KREMEN1: variants seen among roughly 807,000 people sequenced by gnomAD.
The protein encoded by KREMEN1 is kremen protein 1.
KREMEN1 carries 30 observed loss-of-function variants against 46.5 expected under a neutral mutation model. The ratio of observed to expected loss-of-function variants is 0.65; its 90% confidence interval spans 0.48 to 0.88. KREMEN1 has a LOEUF of 0.88. Ranked by LOEUF, KREMEN1 falls within the 40% of genes least tolerant of loss-of-function variation. The probability of loss-of-function intolerance (pLI) is 0.00; values close to 1 mark genes in which losing one functional copy is unlikely to be tolerated. For missense variants in KREMEN1, 533 were observed against 596.9 expected (o/e 0.89, Z 1.11); for synonymous variants, 214 against 230.6 (o/e 0.93, Z 0.65).
At chr22:29,077,950 G>A (rs1275510158) in intron 1 of KREMEN1, among the ~76,000 whole-genome samples, 1 of 151,958 alleles carries the variant, frequency 6.6e-6, no homozygotes, top group Admixed American at 6.6e-5. Context: ...CGTACATTTG[G>A]GTCTTTAATA....
At chr22:29,086,832 C>T (rs2037736482) in intron 1 of KREMEN1, among the ~76,000 whole-genome samples, 1 of 152,096 alleles carries the variant, frequency 6.6e-6, no homozygotes, top group Non-Finnish European at 1.5e-5. Flanking sequence ...GACCATGGCT[C>T]ACTGCAGCTT....
chr22:29,119,873 G>T (rs1417670018), intron 3 of KREMEN1, among the ~76,000 whole-genome samples: 1 of 152,238 alleles, frequency 6.6e-6, no homozygotes, highest in Non-Finnish European at 1.5e-5. Flanking sequence ...TGGCATAGGA[G>T]ATTTTGCAGA....
intron 6 of KREMEN1, 33 bp from the exon 7 acceptor site, chr22:29,138,591 C>G: frequency 6.3e-7 from 1 of 1,596,404 alleles, no homozygotes; most frequent in Non-Finnish European, 8.6e-7. Flanking sequence ...TCTCCATAGC[C>G]CTGTCCCCAG....
At chr22:29,158,080 A>G (rs1229336834) in intron 9 of KREMEN1, among the ~76,000 whole-genome samples, 1 of 151,774 alleles carries the variant, frequency 6.6e-6, no homozygotes, top group African/African-American at 2.4e-5. Flanking sequence ...CTATTCAAAA[A>G]CTCGTAGTCA....
At chr22:29,087,432 G>A (rs2037746334) in intron 1 of KREMEN1, among the ~76,000 whole-genome samples, 1 of 152,184 alleles carries the variant, frequency 6.6e-6, no homozygotes, top group Admixed American at 6.5e-5. Flanking sequence ...TCAATAGTGT[G>A]TTTTTGGACA....
intron 2 of KREMEN1, among the ~76,000 whole-genome samples, chr22:29,096,270 A>T (rs10483154): frequency 6.6e-6 from 1 of 152,066 alleles, no homozygotes; most frequent in Admixed American, 6.5e-5. Context: ...TTGTTCCAAA[A>T]TATCTCTTGG....
At chr22:29,099,802 C>A (rs766304577) in intron 3 of KREMEN1, among the ~76,000 whole-genome samples, 2 of 152,146 alleles carry the variant, frequency 1.3e-5, no homozygotes, top group Non-Finnish European at 2.9e-5. Context: ...CCCGCCTAGG[C>A]CTCCCAAAGT....
At chr22:29,086,924 T>G (rs940592195) in intron 1 of KREMEN1, among the ~76,000 whole-genome samples, 7 of 152,090 alleles carry the variant, frequency 4.6e-5, no homozygotes, top group African/African-American at 1.7e-4. Context: ...TTTTTAATTT[T>G]AATTTTAATT....
rs1256135099 is a variant in KREMEN1 at position 29,143,295 on chromosome 22, C to A, written c.*1183C>A. On this transcript the variant is annotated 3_prime_UTR_variant, in exon 9 of 9. Transcript: ENST00000400335. ...CTGAGCAGCTCATGGTCCTATGGAA[C>A]CTGAGCCAGGCCTCAGTCTCTCCAT... The A allele has an allele frequency of 1.3e-4, 130 of 985,336 alleles. No individual in the cohort carries two copies. Among genetic ancestry groups the A allele is most frequent in the Non-Finnish European group, 1.6e-4 (130 of 829,954 alleles). The allele number at this position is 985,336 out of a possible 1,614,324, so 61.0% of individuals were successfully genotyped here.
Position 29,145,920 on chromosome 22 carries a change from GC to G in KREMEN1, c.*3811del. 1 of 985,922 alleles carries G rather than the reference GC, an allele frequency of 1.0e-6. No homozygotes were observed. The highest frequency in any genetic ancestry group is 1.2e-6 in the Non-Finnish European group (1 of 830,022). 61.1% of individuals were successfully genotyped at this position (985,922 alleles called of 1,614,324 possible). On this transcript the variant is annotated 3_prime_UTR_variant, in exon 9 of 9. Transcript: ENST00000400335. ...GCTCCACCCACATGCCCCACTGTCAGCCCAGGCAGGAGCCTTCCTGGCCGGG... is the reference window on the plus strand; with the variant it reads ...GCTCCACCCACATGCCCCACTGTCAGCCAGGCAGGAGCCTTCCTGGCCGGG...
chr22:29,154,733 C>G (rs1156471955), intron 9 of KREMEN1: 1 of 152,334 alleles, frequency 6.6e-6, no homozygotes, highest in Admixed American at 6.5e-5. Flanking sequence ...CGCGGTGATG[C>G]GTGCCTGTAA....
chr22:29,149,208 G>A (rs550472622), downstream of KREMEN1, among the ~76,000 whole-genome samples: 1 of 151,390 alleles, frequency 6.6e-6, no homozygotes, highest in African/African-American at 2.4e-5. Context: ...CTGTCTCCAG[G>A]CTGGAGTGCA....
At chr22:29,128,977 G>A (rs1449565633) in intron 5 of KREMEN1, among the ~76,000 whole-genome samples, 1 of 152,034 alleles carries the variant, frequency 6.6e-6, no homozygotes, top group East Asian at 1.9e-4. Context: ...TTCCCACATT[G>A]GCCCCTTGTG....
At chr22:29,152,843 A>T (rs2038926767) in intron 9 of KREMEN1, among the ~76,000 whole-genome samples, 2 of 152,216 alleles carry the variant, frequency 1.3e-5, no homozygotes, top group South Asian at 4.1e-4. Flanking sequence ...GCAGGAAGGA[A>T]CTCAAGAGTG....
chr22:29,075,275 T>A (rs138435534), intron 1 of KREMEN1, among the ~76,000 whole-genome samples: 15 of 152,034 alleles, frequency 9.9e-5, no homozygotes, highest in African/African-American at 3.6e-4. Context: ...AAGAGAGAGG[T>A]ATGGGTGGAA....
chr22:29,156,110 GCTTGCCCCCAGGAAGGGGGC>G, intron 9 of KREMEN1, among the ~76,000 whole-genome samples: 1 of 152,312 alleles, frequency 6.6e-6, no homozygotes, highest in South Asian at 2.1e-4. Context: ...TGCTTCCCCT[GCTTGCCCCCAGGAAGGGGGC>G]CTGGCCAATG....
chr22:29,142,398 A>G lies in KREMEN1; in HGVS notation c.*286A>G. The G allele has an allele frequency of 9.0e-7, 1 of 1,107,424 alleles. No individual in the cohort carries two copies. The allele number at this position is 1,107,424 out of a possible 1,614,324, so 68.6% of individuals were successfully genotyped here. A position where few individuals can be genotyped will look rare whatever the true frequency, so the allele number is the denominator to read the frequency against. The stretch of plus-strand genomic sequence containing the variant: ...TGATCTAGCTAGCAGTGGGGGTGTC[A>G]GGACAGTGAGGCTGAGATGACAGAG... On this transcript the variant is annotated 3_prime_UTR_variant, in exon 9 of 9. Transcript: ENST00000400335.
chr22:29,109,666 G>A (rs979533805), intron 3 of KREMEN1, among the ~76,000 whole-genome samples: 4 of 152,288 alleles, frequency 2.6e-5, no homozygotes, highest in Admixed American at 2.6e-4. Flanking sequence ...TAATTAGATG[G>A]GACTGATATG....
chr22:29,091,563 C>T (rs889283426), intron 1 of KREMEN1, among the ~76,000 whole-genome samples: 6 of 152,300 alleles, frequency 3.9e-5, no homozygotes, highest in Admixed American at 3.9e-4. Flanking sequence ...TAGCAATTGG[C>T]AAGGGTTGGC....
Sources: allele counts gnomAD v4.1 joint callset (sites outside exome capture counted in the v4.1 genomes callset), GRCh38; gene constraint gnomAD v4.1.1; transcripts MANE v1.5; gene names NCBI Gene and HGNC (gene_info 2026-07-23, HGNC 2026-07-21).